The following BTBD1 variants were observed in gnomAD, a reference collection of about 807,000 sequenced individuals.
BTBD1 encodes the protein BTB/POZ domain-containing protein 1.
BTBD1 carries 34 observed loss-of-function variants against 48.0 expected under a neutral mutation model. That is an observed-to-expected ratio of 0.71 (90% confidence interval 0.54 to 0.94). The LOEUF is 0.94. Ranked by LOEUF, BTBD1 falls within the 40% of genes least tolerant of loss-of-function variation. The probability of loss-of-function intolerance (pLI) is 0.00; values close to 1 mark genes in which losing one functional copy is unlikely to be tolerated. For synonymous variants in BTBD1, 261 were observed against 242.1 expected, an observed-to-expected ratio of 1.08 and a Z score of -0.72; for missense variants, 543 against 625.6, an observed-to-expected ratio of 0.87 and a Z score of 1.41.
At chr15:83,022,256 G>T (rs937944558) in intron 5 of BTBD1, 2 of 146,224 alleles carry the variant, frequency 1.4e-5, no homozygotes, top group South Asian at 4.3e-4. Flanking sequence ...GTCTAACTAA[G>T]TTGCCCAGGC....
intron 2 of BTBD1, 118 bp from the exon 3 acceptor site, chr15:83,050,296 T>A: frequency 1.8e-6 from 1 of 569,280 alleles, no homozygotes; most frequent in Non-Finnish European, 3.0e-6. Context: ...AATATCTACT[T>A]AAAATACACG....
chr15:83,033,752 A>T (rs1401976193), intron 4 of BTBD1, among the ~76,000 whole-genome samples: 1 of 151,184 alleles, frequency 6.6e-6, no homozygotes, highest in East Asian at 1.9e-4. Flanking sequence ...TAATTTTTAA[A>T]TTTTTTTTTG....
chr15:83,034,308 A>G (rs1428535204), intron 4 of BTBD1, among the ~76,000 whole-genome samples: 1 of 152,202 alleles, frequency 6.6e-6, no homozygotes, highest in Non-Finnish European at 1.5e-5. Context: ...AACTATACCA[A>G]TATCAGACAA....
At chr15:83,057,982 C>G (rs1596444355) in intron 1 of BTBD1, among the ~76,000 whole-genome samples, 1 of 152,238 alleles carries the variant, frequency 6.6e-6, no homozygotes, top group Non-Finnish European at 1.5e-5. Context: ...GAGCTTAACC[C>G]TGGGGTCCCA....
chr15:83,045,902 C>T (rs1032167961), intron 3 of BTBD1, among the ~76,000 whole-genome samples: 2 of 152,094 alleles, frequency 1.3e-5, no homozygotes, highest in African/African-American at 4.8e-5. Context: ...ATCATACTAC[C>T]CTTGGTGTAA....
rs1333197936 is a variant in BTBD1, at chr15:83,018,691, A to G, written c.1290+16T>C. 4 of 1,610,758 alleles carry G rather than the reference A, an allele frequency of 2.5e-6. No homozygotes were observed. Among genetic ancestry groups the G allele is most frequent in the Non-Finnish European group, 3.4e-6 (4 of 1,178,704 alleles). On this transcript the variant is annotated intron_variant, in intron 7 of 7. Transcript: ENST00000261721. ...TTCAAGAGGAAACCATCTGGAACAT[A>G]GTGCATGACTCTTACTTTGAGTGTT...
intron 5 of BTBD1, among the ~76,000 whole-genome samples, chr15:83,025,246 C>T (rs994472676): frequency 4.1e-5 from 6 of 147,948 alleles, no homozygotes; most frequent in Non-Finnish European, 5.9e-5. Flanking sequence ...CCCAGCTACT[C>T]GGGAGGCTGA....
chr15:83,024,830 G>A (rs2151300367), intron 5 of BTBD1, among the ~76,000 whole-genome samples: 1 of 152,154 alleles, frequency 6.6e-6, no homozygotes, highest in African/African-American at 2.4e-5. Context: ...TCAAACCCCT[G>A]GGCTCAAGTG....
intron 4 of BTBD1, among the ~76,000 whole-genome samples, chr15:83,033,734 C>G (rs2032568375): frequency 6.6e-6 from 1 of 152,042 alleles, no homozygotes; most frequent in African/African-American, 2.4e-5. Flanking sequence ...TGTACCACCA[C>G]TCCAGGCTAA....
Position 83,021,763 on chromosome 15 carries a change from T to TC in BTBD1, c.1056-1002_1056-1001insG, listed in dbSNP as rs1379804207. On this transcript the variant is annotated intron_variant, in intron 5 of 7. Coordinates refer to ENST00000261721, the MANE Select transcript of BTBD1 (RefSeq NM_025238.4). ...TCTCAAATAATAATAATAATAATAATAATAATACATATGGAACTAAAAGCC... is the reference window on the plus strand; with the variant it reads ...TCTCAAATAATAATAATAATAATAATCAATAATACATATGGAACTAAAAGCC... 2.0e-3 allele frequency among the ~76,000 whole-genome samples: 294 copies of TC among 150,310 alleles called. 1 individual carries two copies. The highest frequency in any genetic ancestry group is 6.5e-3 in the African/African-American group (264 of 40,638).
chr15:83,032,088 C>T (rs1002928153), intron 4 of BTBD1, among the ~76,000 whole-genome samples: 2 of 151,930 alleles, frequency 1.3e-5, no homozygotes, highest in Non-Finnish European at 2.9e-5. Context: ...TTTGGGAGGC[C>T]GAGGCAGGCA....
chr15:83,029,717 C>G, intron 5 of BTBD1: 1 of 161,666 alleles, frequency 6.2e-6, no homozygotes, highest in Non-Finnish European at 1.3e-5. Flanking sequence ...ACTAAAAATC[C>G]AAAAAGATTA....
intron 1 of BTBD1, among the ~76,000 whole-genome samples, chr15:83,062,103 T>C (rs1028355821): frequency 6.6e-6 from 1 of 151,794 alleles, no homozygotes; most frequent in Non-Finnish European, 1.5e-5. Flanking sequence ...AAACACTGAG[T>C]GGATGGAGAG....
At chr15:83,061,067 C>T (rs768779941) in intron 1 of BTBD1, among the ~76,000 whole-genome samples, 7 of 152,160 alleles carry the variant, frequency 4.6e-5, no homozygotes, top group Non-Finnish European at 7.3e-5. Context: ...AGGCATTGTT[C>T]GGCAATTTCA....
chr15:83,056,827 A>T (rs1272871500), intron 1 of BTBD1, among the ~76,000 whole-genome samples: 3 of 151,884 alleles, frequency 2.0e-5, no homozygotes. Context: ...CTCCCTAAGT[A>T]GCTGGCACTA....
chr15:83,027,581 T>C (rs1180021953), intron 5 of BTBD1, among the ~76,000 whole-genome samples: 4 of 152,138 alleles, frequency 2.6e-5, no homozygotes, highest in East Asian at 3.8e-4. Flanking sequence ...ACCAGGAAAG[T>C]AGAGCCTTGC....
chr15:83,061,515 C>G (rs914465631), intron 1 of BTBD1: 2 of 152,096 alleles, frequency 1.3e-5, no homozygotes, highest in Admixed American at 1.3e-4. Context: ...CTGGGTTGTC[C>G]CTGTGTGAGC....
chr15:83,063,400 C>G (rs933855833), intron 1 of BTBD1, among the ~76,000 whole-genome samples: 1 of 152,118 alleles, frequency 6.6e-6, no homozygotes, highest in Non-Finnish European at 1.5e-5. Flanking sequence ...CTTGGAAGTC[C>G]TCTTGGTTGT....
chr15:83,038,638 G>A (rs1034905147), intron 4 of BTBD1, among the ~76,000 whole-genome samples: 1 of 152,108 alleles, frequency 6.6e-6, no homozygotes, highest in Admixed American at 6.5e-5. Context: ...CATTACCACT[G>A]GATTTCAAAC....
Sources: gnomAD v4.1 joint callset for allele counts (sites outside exome capture counted in the v4.1 genomes callset) on GRCh38, gnomAD v4.1.1 for gene constraint, MANE v1.5 for transcripts, NCBI Gene and HGNC (gene_info 2026-07-23, HGNC 2026-07-21) for gene names.